Variants in SFMBT1 observed in about 807,000 individuals in gnomAD.
SFMBT1 encodes the protein scm-like with four MBT domains protein 1.
In SFMBT1, 32 loss-of-function variants were observed where a neutral mutation model predicts 108.7. The observed-to-expected ratio is 0.29, with a 90% CI of 0.22 to 0.40. The LOEUF is 0.40. SFMBT1 is among the 10% of genes least tolerant of loss of function. The pLI, the probability that SFMBT1 is intolerant of heterozygous loss-of-function variation, is 1.00. For missense variants in SFMBT1, 816 were observed against 1,059.6 expected (o/e 0.77, Z 3.19); for synonymous variants, 348 against 369.5 (o/e 0.94, Z 0.67).
At chr3:52,945,395 A>G (rs1703332423) in intron 3 of SFMBT1, among the ~76,000 whole-genome samples, 1 of 152,058 alleles carries the variant, frequency 6.6e-6, no homozygotes, top group African/African-American at 2.4e-5. Context: ...CCATGAGTCC[A>G]CACTGATATA....
At chr3:52,925,929 A>T (rs758908863) in intron 10 of SFMBT1, 102 bp downstream of exon 10, 7 of 1,047,406 alleles carry the variant, frequency 6.7e-6, no homozygotes, top group Non-Finnish European at 9.8e-6. Flanking sequence ...CATCTGGATT[A>T]AGTGAGATGA....
chr3:52,964,507 T>C (rs1420898450), intron 2 of SFMBT1, among the ~76,000 whole-genome samples: 2 of 152,142 alleles, frequency 1.3e-5, no homozygotes, highest in Non-Finnish European at 2.9e-5. Context: ...AAGCAAGATT[T>C]TGTCTCTAAA....
At chr3:52,974,372 G>T (rs114183875) in intron 1 of SFMBT1, among the ~76,000 whole-genome samples, 128 of 152,298 alleles carry the variant, frequency 8.4e-4, no homozygotes, top group Non-Finnish European at 1.6e-3. Context: ...TGACAGTGCA[G>T]TCAGTGGTAG....
chr3:53,029,173 A>G (rs1473817503), intron 1 of SFMBT1, among the ~76,000 whole-genome samples: 1 of 146,176 alleles, frequency 6.8e-6, no homozygotes, highest in Admixed American at 6.8e-5. Context: ...CTCCGTCTCA[A>G]AAAAAAAAAA....
At chr3:53,021,297 T>C (rs1335693746) in intron 1 of SFMBT1, among the ~76,000 whole-genome samples, 1 of 152,164 alleles carries the variant, frequency 6.6e-6, no homozygotes, top group Non-Finnish European at 1.5e-5. Context: ...TAAAACCTGA[T>C]GTCAAGGAGT....
At chr3:52,977,821 G>C (rs1704570733) in intron 1 of SFMBT1, among the ~76,000 whole-genome samples, 1 of 152,168 alleles carries the variant, frequency 6.6e-6, no homozygotes, top group African/African-American at 2.4e-5. Context: ...TGAGATTCAG[G>C]GGCAGGGCAA....
At chr3:53,005,290 A>C (rs948795256) in intron 1 of SFMBT1, among the ~76,000 whole-genome samples, 1 of 152,186 alleles carries the variant, frequency 6.6e-6, no homozygotes, top group Non-Finnish European at 1.5e-5. Flanking sequence ...TAAAGTGAAG[A>C]GGGGGTTTAA....
At chr3:52,944,364 A>AGATG (rs1393137718) in intron 3 of SFMBT1, among the ~76,000 whole-genome samples, 22 of 152,198 alleles carry the variant, frequency 1.4e-4, no homozygotes, top group African/African-American at 5.3e-4. Flanking sequence ...ACAGGCAGAT[A>AGATG]GATGGATGGA....
At chr3:52,988,157 C>T (rs1051020415) in intron 1 of SFMBT1, among the ~76,000 whole-genome samples, 7 of 152,150 alleles carry the variant, frequency 4.6e-5, no homozygotes, top group Non-Finnish European at 4.4e-5. Flanking sequence ...AACTTTAACT[C>T]GTGATTATAA....
chr3:52,921,913 T>A, intron 10 of SFMBT1, 82 bp from the exon 11 acceptor site: 1 of 1,331,478 alleles, frequency 7.5e-7, no homozygotes, highest in African/African-American at 1.4e-5. Flanking sequence ...CTTTTTCAAG[T>A]AGTACTTAAT....
At chr3:52,966,950 T>TTATATA (rs374164813) in intron 2 of SFMBT1, among the ~76,000 whole-genome samples, 4 of 146,704 alleles carry the variant, frequency 2.7e-5, no homozygotes, top group African/African-American at 7.4e-5. Flanking sequence ...TTGTGATAAG[T>TTATATA]TATATATATA....
At chr3:53,002,039 G>A (rs1185374181) in intron 1 of SFMBT1, among the ~76,000 whole-genome samples, 1 of 148,464 alleles carries the variant, frequency 6.7e-6, no homozygotes, top group Non-Finnish European at 1.5e-5. Flanking sequence ...TTTCCTATTA[G>A]AAGTTCAAAT....
At position 52,906,368 on chromosome 3, in the gene SFMBT1, C is replaced by A; in HGVS notation, c.2332-127G>T. 1.1e-5 allele frequency: 16 copies of A among 1,435,184 alleles called. No individual in the cohort carries two copies. In the South Asian group the frequency reaches 2.1e-4, roughly 18 times the overall value. The allele number at this position is 1,435,184 out of a possible 1,614,324, so 88.9% of individuals were successfully genotyped here. On this transcript the variant is annotated intron_variant, in intron 19 of 20. Transcript: ENST00000394752. ...AGTGGTCTTAGGACATGATTTCTCC[C>A]AGCAAAGATGGCAAAGACCCACGTG... is the stretch of plus-strand genomic sequence containing the variant.
At chr3:52,983,656 G>A (rs1704803178) in intron 1 of SFMBT1, among the ~76,000 whole-genome samples, 1 of 152,200 alleles carries the variant, frequency 6.6e-6, no homozygotes, top group African/African-American at 2.4e-5. Flanking sequence ...TGAGCCATGT[G>A]GGTACGTGCG....
chr3:52,945,769 G>A (rs540266119), intron 3 of SFMBT1, among the ~76,000 whole-genome samples: 134 of 150,684 alleles, frequency 8.9e-4, no homozygotes, highest in Non-Finnish European at 1.7e-3. Context: ...ATCGCACCAC[G>A]GCAGGCAATC....
intron 12 of SFMBT1, 133 bp downstream of exon 12, chr3:52,920,404 A>G (rs1198564067): frequency 1.4e-6 from 1 of 716,836 alleles, no homozygotes; most frequent in Non-Finnish European, 2.4e-6. Context: ...TACAATAAAT[A>G]ATTTCCTATG....
intron 3 of SFMBT1, among the ~76,000 whole-genome samples, chr3:52,944,669 G>A (rs932546629): frequency 1.3e-5 from 2 of 151,916 alleles, no homozygotes; most frequent in African/African-American, 2.4e-5. Context: ...ACAGGCGCCC[G>A]CCACAACATC....
At chr3:52,955,610 T>G (rs1256122063) in intron 2 of SFMBT1, among the ~76,000 whole-genome samples, 2 of 151,924 alleles carry the variant, frequency 1.3e-5, no homozygotes, top group Non-Finnish European at 2.9e-5. Context: ...TTACAAGAAA[T>G]GGATAAATTC....
chr3:52,917,429 G>A (rs1422251951), intron 13 of SFMBT1, among the ~76,000 whole-genome samples: 1 of 152,148 alleles, frequency 6.6e-6, no homozygotes, highest in East Asian at 1.9e-4. Flanking sequence ...TTTCCACCAT[G>A]CAAGGACACA....
Sources: allele counts gnomAD v4.1 joint callset (sites outside exome capture counted in the v4.1 genomes callset), GRCh38; gene constraint gnomAD v4.1.1; transcripts MANE v1.5; gene names NCBI Gene and HGNC (gene_info 2026-07-23, HGNC 2026-07-21).